SPON1: variants seen among roughly 807,000 people sequenced by gnomAD.
SPON1 encodes the protein spondin 1, also known as spondin-1.
In SPON1, 52 loss-of-function variants were observed where a neutral mutation model predicts 111.7. The ratio of observed to expected loss-of-function variants is 0.47; its 90% CI spans 0.37 to 0.59. The LOEUF (loss-of-function observed/expected upper bound fraction) is 0.59. Among genes scored for constraint, SPON1 ranks in the 20% least tolerant of loss-of-function variants. The pLI is 0.00. For missense variants in SPON1, 957 were observed against 1,068.5 expected, an observed-to-expected ratio of 0.90 and a Z score of 1.46; for synonymous variants, 410 against 395.8, an observed-to-expected ratio of 1.04 and a Z score of -0.43.
rs1848766686 is a variant in SPON1, at chr11:14,228,847, G to A, written c.826-14485G>A. Among the ~76,000 whole-genome samples the A allele has an allele frequency of 1.3e-5, 2 of 152,174 alleles. No homozygotes were observed. Among genetic ancestry groups the A allele is most frequent in the African/African-American group, 4.8e-5 (2 of 41,444 alleles). ...GCCACTGAACTGCCTGGTGATGCTT[G>A]ACTAGATCTTTGAGATGATCCTTAA... On this transcript the variant is annotated intron_variant, in intron 6 of 15. Coordinates refer to ENST00000576479, the MANE Select transcript of SPON1 (RefSeq NM_006108.4). This position sits in a 1 kb window ranked among gnomAD's most constrained non-coding sequence, Gnocchi z 4.2.
At chr11:14,264,726 C>T (rs897375568) in intron 15 of SPON1, among the ~76,000 whole-genome samples, 1 of 152,124 alleles carries the variant, frequency 6.6e-6, no homozygotes, top group Non-Finnish European at 1.5e-5. Flanking sequence ...CATGTGTAAC[C>T]ATAAATGTGG....
At chr11:14,160,442 T>TA (rs1554930842) in intron 6 of SPON1, among the ~76,000 whole-genome samples, 2,610 of 19,150 alleles carry the variant, frequency 0.14, 768 homozygotes, top group Admixed American at 0.18. Flanking sequence ...TATATATATA[T>TA]TTATATATAT....
intron 5 of SPON1, among the ~76,000 whole-genome samples, chr11:14,118,005 C>T (rs1250169648): frequency 6.6e-6 from 1 of 152,158 alleles, no homozygotes; most frequent in African/African-American, 2.4e-5. Context: ...TGCTTAAAAA[C>T]TTTTCAAATA....
chr11:14,039,238 TATG>T (rs1554917004), intron 2 of SPON1, among the ~76,000 whole-genome samples: 1 of 152,206 alleles, frequency 6.6e-6, no homozygotes, highest in Non-Finnish European at 1.5e-5. Flanking sequence ...AACTATTTCA[TATG>T]ATACTACAAT....
At chr11:13,971,513 T>G (rs889257157) in intron 1 of SPON1, among the ~76,000 whole-genome samples, 1 of 152,064 alleles carries the variant, frequency 6.6e-6, no homozygotes, top group Non-Finnish European at 1.5e-5. Context: ...CTTTGGAGAG[T>G]GTAAAAACTA....
At chr11:14,158,070 A>T (rs990129224) in intron 6 of SPON1, among the ~76,000 whole-genome samples, 1 of 152,090 alleles carries the variant, frequency 6.6e-6, no homozygotes, top group Admixed American at 6.6e-5. Flanking sequence ...ATGATAAATT[A>T]TAGGGGCTCT....
chr11:14,132,490 C>A (rs909583441), intron 5 of SPON1, among the ~76,000 whole-genome samples: 10 of 152,276 alleles, frequency 6.6e-5, no homozygotes, highest in African/African-American at 2.2e-4. Flanking sequence ...TTAGCTGCTC[C>A]ATCCTCTGTG....
At position 14,259,401 on chromosome 11, in the gene SPON1, C is replaced by T. The variant is rs1554941642; in HGVS notation, c.1614C>T (p.Cys538=). ...AGTTCCCGGAGGACGGCTCCGTGTG[C>T]ACGCTGCCCACTGAGGAAACGGAGA... The part of the protein sequence containing the change: ...VKQFPEDGSV[C]TLPTEETEKC... The change falls in exon 12 of 16, where the codon TGC becomes TGT. Residue 538 remains cysteine, a synonymous_variant. Transcript: ENST00000576479. This position sits in a 1 kb window ranked among gnomAD's most constrained non-coding sequence, Gnocchi z 5.0. 1 of 1,611,276 alleles carries T rather than the reference C, an allele frequency of 6.2e-7. No homozygotes were observed. Among genetic ancestry groups the T allele is most frequent in the South Asian group, 1.1e-5 (1 of 90,204 alleles).
intron 6 of SPON1, among the ~76,000 whole-genome samples, chr11:14,234,502 A>G (rs781885488): frequency 2.0e-5 from 3 of 152,192 alleles, no homozygotes; most frequent in Non-Finnish European, 2.9e-5. Flanking sequence ...AAAAGAACAT[A>G]ATAAAAATGC....
intron 2 of SPON1, among the ~76,000 whole-genome samples, chr11:14,025,051 G>C (rs1233857274): frequency 2.0e-5 from 3 of 152,184 alleles, no homozygotes; most frequent in Non-Finnish European, 2.9e-5. Flanking sequence ...TAGCAAACTA[G>C]AGTGGGAAGA....
At chr11:14,146,347 A>G (rs2133865953) in intron 6 of SPON1, among the ~76,000 whole-genome samples, 1 of 151,970 alleles carries the variant, frequency 6.6e-6, no homozygotes, top group South Asian at 2.1e-4. Flanking sequence ...ACGGGGTTTC[A>G]CCATGTTGGC....
intron 2 of SPON1, among the ~76,000 whole-genome samples, chr11:13,988,876 C>T (rs183189824): frequency 2.4e-4 from 37 of 152,284 alleles, no homozygotes; most frequent in African/African-American, 8.2e-4. Context: ...GTTGAACCAG[C>T]CTTGCATCCC....
rs543002559 is a variant in SPON1, at chr11:14,161,677, A to G, written c.825+26109A>G. ...TTATCAAACACAAAGCCTATTTTGA[A>G]ATAACTGTTGAATATCTCATATAGT... On this transcript the variant is annotated intron_variant, in intron 6 of 15. Transcript: ENST00000576479. Among the ~76,000 whole-genome samples, 20 of 152,158 alleles carry G rather than the reference A, an allele frequency of 1.3e-4. No homozygotes were observed. In the South Asian group the frequency reaches 3.9e-3, roughly 30 times the overall value.
At chr11:14,204,938 C>G (rs1022131548) in intron 6 of SPON1, among the ~76,000 whole-genome samples, 5 of 152,052 alleles carry the variant, frequency 3.3e-5, no homozygotes, top group African/African-American at 7.2e-5. Context: ...CCACCTGCCT[C>G]AGCCTCCCAA....
chr11:14,123,503 G>C (rs1847419271), intron 5 of SPON1, among the ~76,000 whole-genome samples: 2 of 152,048 alleles, frequency 1.3e-5, no homozygotes, highest in South Asian at 4.1e-4. Context: ...TAACATGGAT[G>C]GGTAGATATT....
chr11:14,079,347 A>G (rs1460026021), intron 4 of SPON1, among the ~76,000 whole-genome samples: 1 of 152,208 alleles, frequency 6.6e-6, no homozygotes, highest in Non-Finnish European at 1.5e-5. Context: ...AAGCATGATA[A>G]GAAGTGACGT....
chr11:14,054,072 A>C (rs1034718951), intron 3 of SPON1, among the ~76,000 whole-genome samples: 3 of 152,236 alleles, frequency 2.0e-5, no homozygotes, highest in African/African-American at 7.2e-5. Context: ...ACCTAAAGTC[A>C]GTGAACAATA....
chr11:14,031,609 A>G (rs1441571753), intron 2 of SPON1, among the ~76,000 whole-genome samples: 1 of 152,226 alleles, frequency 6.6e-6, no homozygotes, highest in African/African-American at 2.4e-5. Flanking sequence ...TAAAGAATAC[A>G]TGGAGAAAAG....
rs1487193344 is a variant in SPON1 at position 14,255,538 on chromosome 11, G to T, written c.1093-109G>T. On this transcript the variant is annotated intron_variant, in intron 8 of 15. Transcript: ENST00000576479. ...TTCCATAAATATAAATAGTAGTTAT[G>T]CTTGTTAAATTCCTATCAAGGACTT... 5 of 951,682 alleles carry T rather than the reference G, an allele frequency of 5.3e-6. No individual in the cohort carries two copies. In the African/African-American group the frequency reaches 8.2e-5, roughly 16 times the overall value. The allele number at this position is 951,682 out of a possible 1,614,324, so 59.0% of individuals were successfully genotyped here.
Sources: gnomAD v4.1 joint callset for allele counts (sites outside exome capture counted in the v4.1 genomes callset) on GRCh38, gnomAD v4.1.1 for gene constraint, Gnocchi (gnomAD v3.1) non-coding constraint, MANE v1.5 for transcripts, NCBI Gene and HGNC (gene_info 2026-07-23, HGNC 2026-07-21) for gene names.